The following ICE1 variants were observed in gnomAD, a reference collection of about 807,000 sequenced individuals.
The protein encoded by ICE1 is little elongation complex subunit 1.
ICE1 carries 64 observed loss-of-function variants against 192.7 expected under a neutral mutation model. That is an observed-to-expected ratio of 0.33 (90% CI 0.27 to 0.41). The LOEUF (loss-of-function observed/expected upper bound fraction) is 0.41. Ranked by LOEUF, ICE1 falls within the 10% of genes least tolerant of loss-of-function variation. The pLI is 1.00. For synonymous variants in ICE1, 1,010 were observed against 984.5 expected (o/e 1.03, Z -0.49); for missense variants, 2,708 against 2,696.0 (o/e 1.00, Z -0.10).
chr5:5,457,720 C>T lies in ICE1; in HGVS notation c.1080C>T (p.Ser360=). 1.2e-6 allele frequency: 2 copies of T among 1,612,030 alleles called. No homozygotes were observed. The highest frequency in any genetic ancestry group is 1.7e-6 in the Non-Finnish European group (2 of 1,178,430). Residue 360 remains serine, a synonymous_variant, in exon 12 of 19, where the codon TCC becomes TCT. Coordinates refer to ENST00000296564, the MANE Select transcript of ICE1 (RefSeq NM_015325.3). ...CGATGTCATCACCTCACCCGGGTTCCTTACCGTCTTCATTTGCACCTGTGA... is the reference window on the plus strand; with the variant it reads ...CGATGTCATCACCTCACCCGGGTTCTTTACCGTCTTCATTTGCACCTGTGA... ...PPPMSSPHPG[S]LPSSFAPETY... is the part of the protein sequence containing the mutation.
At chr5:5,459,671 C>A (rs1017186904) in intron 12 of ICE1, among the ~76,000 whole-genome samples, 3 of 152,204 alleles carry the variant, frequency 2.0e-5, no homozygotes, top group African/African-American at 7.2e-5. Context: ...GGAAAGAATT[C>A]TTTCACTAGG....
At chr5:5,482,848 A>G (rs187937666) in intron 17 of ICE1, among the ~76,000 whole-genome samples, 176 of 151,238 alleles carry the variant, frequency 1.2e-3, no homozygotes, top group African/African-American at 4.0e-3. Flanking sequence ...ACTAAGGAGA[A>G]ACTGTTAGTG....
chr5:5,444,198 G>T, intron 6 of ICE1, 91 bp from the exon 7 acceptor site: 1 of 783,008 alleles, frequency 1.3e-6, no homozygotes, highest in Non-Finnish European at 2.1e-6. Context: ...ACAAATATTT[G>T]TAATTTAAAA....
rs1739647726 is a variant in ICE1 at position 5,486,704 on chromosome 5, TG to T, written c.6521-15del. On this transcript the variant is annotated splice_polypyrimidine_tract_variant and intron_variant, in intron 17 of 18. Coordinates refer to ENST00000296564, the MANE Select transcript of ICE1 (RefSeq NM_015325.3). ...ACATTTAACTGGACTGTTTACATTTTGGTTTGTTTCCCCTAGGTCGTTTAGG... is the reference window on the plus strand; with the variant it reads ...ACATTTAACTGGACTGTTTACATTTTGTTTGTTTCCCCTAGGTCGTTTAGG... The T allele has an allele frequency of 6.6e-7, 1 of 1,526,142 alleles. No homozygotes were observed. Among genetic ancestry groups the T allele is most frequent in the Admixed American group, 1.8e-5 (1 of 54,448 alleles). The allele number at this position is 1,526,142 out of a possible 1,614,324, so 94.5% of individuals were successfully genotyped here.
At position 5,457,430 on chromosome 5, in the gene ICE1, A is replaced by G. The variant is rs1738620182; in HGVS notation, c.790A>G (p.Thr264Ala). 1 of 1,613,748 alleles carries G rather than the reference A, an allele frequency of 6.2e-7. No individual in the cohort carries two copies. The highest frequency in any genetic ancestry group is 8.5e-7 in the Non-Finnish European group (1 of 1,179,820). ...GSPLRTSNVQ[T>A]CLTKLSMEIK... ...CCCTCTCAGGACCTCAAATGTGCAG[A>G]CATGCCTCACAAAACTGTCCATGGA... Residue 264 changes from threonine (T) to alanine (A), a missense_variant, in exon 12 of 19, where the codon ACA (threonine) becomes GCA (alanine). Thr to Ala is a moderately conservative substitution (Grantham distance 58). Transcript: ENST00000296564.
chr5:5,440,734 T>A (rs567022292), intron 4 of ICE1, among the ~76,000 whole-genome samples: 7 of 152,150 alleles, frequency 4.6e-5, no homozygotes, highest in Non-Finnish European at 1.0e-4. Flanking sequence ...AAACTTTTTT[T>A]AAATTAGCCA....
In ICE1 at chr5:5,447,878, A is replaced by T. The variant is rs750788797; in HGVS notation, c.585A>T (p.Ser195=). 6.4e-7 allele frequency: 1 copy of T among 1,573,318 alleles called. No individual in the cohort carries two copies. Among genetic ancestry groups the T allele is most frequent in the African/African-American group, 1.3e-5 (1 of 74,214 alleles). ...TTGGAACACAAATTTCAAGTGATTC[A>T]TATGGAAGCATAGATAAAAGTGAGT... ...RHIGTQISSD[S]YGSIDKRKVK... is the part of the protein sequence containing the mutation. The change falls in exon 10 of 19, where the codon TCA becomes TCT. Residue 195 remains serine (S), a synonymous_variant. Transcript: ENST00000296564.
intron 4 of ICE1, among the ~76,000 whole-genome samples, chr5:5,440,896 GA>G (rs1176119900): frequency 6.7e-6 from 1 of 148,988 alleles, no homozygotes; most frequent in Admixed American, 6.7e-5. Flanking sequence ...GTGAGACCCT[GA>G]CTAACAAAAA....
In ICE1 at chr5:5,436,531, G is replaced by A. The variant is rs1247666395; in HGVS notation, c.143+55G>A. ...ACTTTGTAAACCTGACAAACTGGCTGAAGCAGGCGGTGCTTTTAGGCCCCC... is the reference window on the plus strand; with the variant it reads ...ACTTTGTAAACCTGACAAACTGGCTAAAGCAGGCGGTGCTTTTAGGCCCCC... On this transcript the variant is annotated intron_variant, in intron 2 of 18. Coordinates refer to ENST00000296564, the MANE Select transcript of ICE1 (RefSeq NM_015325.3). 1.5e-5 allele frequency: 16 copies of A among 1,084,568 alleles called. No individual in the cohort carries two copies. In the Admixed American group the frequency reaches 3.5e-4, roughly 24 times the overall value. 67.2% of individuals were successfully genotyped at this position (1,084,568 alleles called of 1,614,324 possible).
chr5:5,464,076 G>A lies in ICE1; in HGVS notation c.4742G>A (p.Ser1581Asn). The change falls in exon 13 of 19, where the codon AGT becomes AAT. Residue 1581 changes from serine to asparagine, a missense_variant. Ser to Asn is a conservative substitution (Grantham distance 46, BLOSUM62 1). Around this residue, in one of 2 missense-constraint regions of ICE1, gnomAD observed 2,366 missense variants for 2,276.6 expected, o/e 1.04. Transcript: ENST00000296564. The surrounding 1 kb of genome is among the most constrained non-coding windows in gnomAD (Gnocchi z 4.0). ...TCGAGCAGAGTTGAAACTCATCAGA[G>A]TGAAGTTGCTCAGTCATTTTCAGGG... ...SASSRVETHQ[S>N]EVAQSFSGEK... is the part of the protein sequence containing the mutation. 1 of 1,613,572 alleles carries A rather than the reference G, an allele frequency of 6.2e-7. No individual in the cohort carries two copies. Among genetic ancestry groups the A allele is most frequent in the Middle Eastern group, 1.6e-4 (1 of 6,062 alleles).
In ICE1 at chr5:5,463,330, C is replaced by T. The variant is rs552881820; in HGVS notation, c.3996C>T (p.Pro1332=). The T allele has an allele frequency of 8.7e-6, 14 of 1,613,634 alleles. 1 individual carries two copies. In the Middle Eastern group the frequency reaches 4.9e-4, roughly 57 times the overall value. The change falls in exon 13 of 19, where the codon CCC becomes CCT. Residue 1332 remains proline (P), a synonymous_variant. Transcript: ENST00000296564. ...CCTTGGACACTGAGGGCAGCTCTCC[C>T]ATCAGCGGTATGCCTCAGAATGAAA... ...AAALDTEGSS[P]ISGMPQNENP...
chr5:5,448,393 C>T (rs1014133515), intron 10 of ICE1, among the ~76,000 whole-genome samples: 1 of 150,894 alleles, frequency 6.6e-6, no homozygotes, highest in African/African-American at 2.4e-5. Context: ...GAATGTCATA[C>T]AAATGTGGAC....
At chr5:5,428,303 C>T (rs1360170387) in intron 1 of ICE1, among the ~76,000 whole-genome samples, 1 of 152,032 alleles carries the variant, frequency 6.6e-6, no homozygotes, top group Non-Finnish European at 1.5e-5. Context: ...AAGACACACT[C>T]ATCTCTGCTA....
rs887847860 is a variant in ICE1, at chr5:5,460,390, A to G, written c.1102-46A>G. The G allele has an allele frequency of 2.7e-6, 3 of 1,108,692 alleles. No homozygotes were observed. In the African/African-American group the frequency reaches 4.8e-5, roughly 18 times the overall value. The allele number at this position is 1,108,692 out of a possible 1,614,324, so 68.7% of individuals were successfully genotyped here. On this transcript the variant is annotated intron_variant, in intron 12 of 18. Transcript: ENST00000296564. ...AATGCATTTAATTGATAGTCATGTT[A>G]ATCTGTTGAATTAGTGTTTGACAAG...
intron 7 of ICE1, among the ~76,000 whole-genome samples, chr5:5,446,564 T>C (rs1463155623): frequency 6.6e-6 from 1 of 152,066 alleles, no homozygotes; most frequent in Non-Finnish European, 1.5e-5. Context: ...GGGATCACAG[T>C]CGTGAGCCAC....
At chr5:5,446,410 T>C (rs1738225017) in intron 7 of ICE1, among the ~76,000 whole-genome samples, 1 of 152,064 alleles carries the variant, frequency 6.6e-6, no homozygotes. Flanking sequence ...TTATTCCACC[T>C]CCTGAGTAGC....
At chr5:5,437,374 G>T (rs894635312) in intron 3 of ICE1, 2 of 350,756 alleles carry the variant, frequency 5.7e-6, no homozygotes, top group Non-Finnish European at 1.0e-5. Flanking sequence ...TAGTGGGTGG[G>T]TTTCTCTTAA....
Position 5,468,881 on chromosome 5 carries a change from A to G in ICE1, c.6115A>G (p.Ile2039Val). 2.5e-6 allele frequency: 4 copies of G among 1,601,670 alleles called. No individual in the cohort carries two copies. Among genetic ancestry groups the G allele is most frequent in the South Asian group, 1.1e-5 (1 of 87,822 alleles). ...TLFIANMWHD[I>V]FLSQSVINKA... ...GTTTATTGCAAACATGTGGCATGAT[A>G]TATTTCTCTCTCAATCGGTGATTAA... Residue 2039 changes from isoleucine to valine, a missense_variant, in exon 15 of 19, where the codon ATA becomes GTA. By Grantham distance (29) the Ile-to-Val change is conservative (BLOSUM62 3). This residue lies in a region of ICE1 where 342 missense variants were observed against 419.3 expected (regional missense o/e 0.82). Coordinates refer to ENST00000296564, the MANE Select transcript of ICE1 (RefSeq NM_015325.3).
At chr5:5,427,090 C>T (rs1476993793) in intron 1 of ICE1, among the ~76,000 whole-genome samples, 3 of 152,184 alleles carry the variant, frequency 2.0e-5, no homozygotes, top group African/African-American at 7.2e-5. Flanking sequence ...TCCTCCCTGT[C>T]CTTTTTTTCT....
Sources: allele counts gnomAD v4.1 joint callset (sites outside exome capture counted in the v4.1 genomes callset), GRCh38; gene constraint gnomAD v4.1.1; regional missense constraint gnomAD v4.1.1; non-coding constraint Gnocchi (gnomAD v3.1); transcripts MANE v1.5; gene names NCBI Gene and HGNC (gene_info 2026-07-23, HGNC 2026-07-21).